Variants in GPHN observed in about 807,000 individuals in gnomAD.
GPHN encodes gephyrin.
A neutral mutation model predicts 95.5 loss-of-function variants in GPHN; 17 were observed. The observed-to-expected ratio is 0.18, with a 90% CI of 0.12 to 0.27. The LOEUF (loss-of-function observed/expected upper bound fraction) is 0.27. Ranked by LOEUF, GPHN falls within the 10% of genes least tolerant of loss-of-function variation. GPHN has a pLI of 1.00. For missense variants in GPHN, 660 were observed against 978.1 expected (o/e 0.67, Z 4.34); for synonymous variants, 320 against 322.5 (o/e 0.99, Z 0.08).
rs573703564 is a variant in GPHN, at chr14:66,796,902, A to G, written c.201+20381A>G. On this transcript the variant is annotated intron_variant, in intron 3 of 22. Coordinates refer to ENST00000478722, the MANE Select transcript of GPHN (RefSeq NM_020806.5). ...ACTCAAGAAATCTTTGCCCAGATCA[A>G]TGTCCTGGAGAGTTTCCCCTATGTT... 3.3e-5 allele frequency among the ~76,000 whole-genome samples: 5 copies of G among 151,996 alleles called. No individual in the cohort carries two copies. In the East Asian group the frequency reaches 9.6e-4, roughly 29 times the overall value.
chr14:67,087,056 A>AAAAAT (rs2076933992), intron 11 of GPHN, among the ~76,000 whole-genome samples: 2 of 149,978 alleles, frequency 1.3e-5, no homozygotes, highest in Non-Finnish European at 3.0e-5. Flanking sequence ...AAAAAAAAAA[A>AAAAAT]CTCTCTTCCT....
chr14:66,965,114 T>G (rs1471646290), intron 8 of GPHN, 77 bp from the exon 9 acceptor site: 3 of 1,276,818 alleles, frequency 2.3e-6, no homozygotes, highest in Admixed American at 3.4e-5. Context: ...CAAAGAATGC[T>G]AAAACAAAGG....
chr14:66,949,187 C>A (rs1384268486), intron 8 of GPHN, among the ~76,000 whole-genome samples: 1 of 152,104 alleles, frequency 6.6e-6, no homozygotes, highest in Non-Finnish European at 1.5e-5. Context: ...TGGGTTCAAG[C>A]GATTCTCTTG....
At chr14:66,906,191 G>A (rs569064920) in intron 5 of GPHN, among the ~76,000 whole-genome samples, 16 of 152,258 alleles carry the variant, frequency 1.1e-4, no homozygotes, top group African/African-American at 2.6e-4. Flanking sequence ...CTCCTACAGC[G>A]TGGTACTGCT....
Position 66,592,566 on chromosome 14 carries a change from G to A in GPHN, c.64+83975G>A, listed in dbSNP as rs11261121. 1.2e-4 allele frequency among the ~76,000 whole-genome samples: 18 copies of A among 152,096 alleles called. No individual in the cohort carries two copies. The East Asian group carries it at 1.7e-3, about 15-fold the overall frequency. On this transcript the variant is annotated intron_variant, in intron 1 of 22. Coordinates refer to ENST00000478722, the MANE Select transcript of GPHN (RefSeq NM_020806.5). ...ATATGAAAAAAGCTCATCATCTTTC[G>A]TCACTAGAGAAATGCAAATCAAAAC...
intron 8 of GPHN, among the ~76,000 whole-genome samples, chr14:66,942,169 A>G (rs998236659): frequency 3.9e-5 from 6 of 152,028 alleles, no homozygotes; most frequent in African/African-American, 1.5e-4. Flanking sequence ...CTGCCACCAC[A>G]CCCAGCTAAT....
intron 3 of GPHN, among the ~76,000 whole-genome samples, chr14:66,779,846 A>G (rs1321225196): frequency 1.3e-5 from 2 of 152,108 alleles, no homozygotes; most frequent in East Asian, 3.9e-4. Flanking sequence ...AGAAAGTAAC[A>G]TAATCATTTT....
intron 1 of GPHN, chr14:66,509,251 C>T (rs1031017020): frequency 6.5e-6 from 1 of 152,686 alleles, no homozygotes; most frequent in Admixed American, 6.5e-5. Flanking sequence ...GCAAAAGGCC[C>T]TCTGTCTGCC....
At chr14:67,582,264 C>T in the GPHN span, 129 of 1,611,250 alleles carry the variant, frequency 8.0e-5, no homozygotes, top group Non-Finnish European at 9.9e-5. This position sits in a 1 kb window ranked among gnomAD's most constrained non-coding sequence, Gnocchi z 5.0. Context: ...AGAATGAATG[C>T]ACCATGCAGC....
the GPHN span, among the ~76,000 whole-genome samples, chr14:67,499,624 T>C: frequency 1.9e-3 from 287 of 152,302 alleles, no homozygotes; most frequent in African/African-American, 6.3e-3. Context: ...TGTAAGAGGA[T>C]GCTTTAGTAT....
At chr14:67,530,941 C>T in the GPHN span, among the ~76,000 whole-genome samples, 2 of 152,208 alleles carry the variant, frequency 1.3e-5, no homozygotes, top group African/African-American at 4.8e-5. Flanking sequence ...GCAGCTAATA[C>T]AATCATTGAA....
chr14:66,743,185 CT>C (rs113300979), intron 2 of GPHN, among the ~76,000 whole-genome samples: 46 of 146,100 alleles, frequency 3.1e-4, no homozygotes, highest in Non-Finnish European at 2.9e-4. Flanking sequence ...GTAGAGAGTT[CT>C]TTTTTTTTTT....
intron 2 of GPHN, among the ~76,000 whole-genome samples, chr14:66,714,900 A>G (rs146809902): frequency 1.3e-3 from 192 of 152,138 alleles, no homozygotes; most frequent in Non-Finnish European, 2.0e-3. Context: ...TAGGGATTTT[A>G]GCATCGATGT....
chr14:67,126,332 C>G (rs891720890), intron 17 of GPHN, among the ~76,000 whole-genome samples: 16 of 152,110 alleles, frequency 1.1e-4, no homozygotes, highest in Non-Finnish European at 1.9e-4. Flanking sequence ...CCATAATTCT[C>G]TACTATCATT....
At chr14:67,053,169 TG>T (rs1304696992) in intron 10 of GPHN, among the ~76,000 whole-genome samples, 3 of 127,136 alleles carry the variant, frequency 2.4e-5, no homozygotes, top group South Asian at 2.4e-4. Flanking sequence ...ATCTAGGAGC[TG>T]GTTTGTTTTT....
At chr14:67,590,053 CA>C in the GPHN span, 5 of 1,542,198 alleles carry the variant, frequency 3.2e-6, no homozygotes, top group Non-Finnish European at 4.4e-6. Flanking sequence ...CCATGGAAGA[CA>C]ATGCTGGCCT....
intron 1 of GPHN, among the ~76,000 whole-genome samples, chr14:66,588,596 G>C (rs545407988): frequency 1.3e-5 from 2 of 152,128 alleles, no homozygotes; most frequent in East Asian, 3.9e-4. Context: ...GCATACACAA[G>C]TATCAATAGG....
chr14:67,271,279 A>C, the GPHN span: 1 of 152,180 alleles, frequency 6.6e-6, no homozygotes, highest in South Asian at 2.1e-4. Flanking sequence ...ATTCTCCTAT[A>C]TTCTCCATCA....
chr14:66,823,389 T>C (rs899721974), intron 3 of GPHN: 1 of 152,190 alleles, frequency 6.6e-6, no homozygotes, highest in African/African-American at 2.4e-5. Flanking sequence ...GCACAGACAA[T>C]TGAAGTTTTA....
Sources: gnomAD v4.1 joint callset for allele counts (sites outside exome capture counted in the v4.1 genomes callset) on GRCh38, gnomAD v4.1.1 for gene constraint, Gnocchi (gnomAD v3.1) non-coding constraint, MANE v1.5 for transcripts, NCBI Gene and HGNC (gene_info 2026-07-23, HGNC 2026-07-21) for gene names.